Variants in COLGALT1 observed in about 807,000 individuals in gnomAD.
COLGALT1 encodes collagen beta(1-O)galactosyltransferase 1.
In COLGALT1, 43 loss-of-function variants were observed where a neutral mutation model predicts 60.8. The observed-to-expected ratio is 0.71, with a 90% CI of 0.55 to 0.91. The LOEUF (loss-of-function observed/expected upper bound fraction) is 0.91. COLGALT1 is among the 40% of genes least tolerant of loss of function. The probability of loss-of-function intolerance (pLI) is 0.00; values close to 1 mark genes in which losing one functional copy is unlikely to be tolerated. For missense variants in COLGALT1, 845 were observed against 880.0 expected (o/e 0.96, Z 0.50); for synonymous variants, 369 against 374.2 (o/e 0.99, Z 0.16).
intron 9 of COLGALT1, 64 bp downstream of exon 9, chr19:17,578,153 G>C (rs2076356615): frequency 1.4e-6 from 2 of 1,467,266 alleles, no homozygotes; most frequent in East Asian, 4.9e-5. Flanking sequence ...GATTTGGACG[G>C]GAAAGGGGTT....
At position 17,580,468 on chromosome 19, in the gene COLGALT1, G is replaced by T. The variant is rs996569613; in HGVS notation, c.1395-231G>T. 1.4e-5 allele frequency: 8 copies of T among 580,282 alleles called. No individual in the cohort carries two copies. The Admixed American group carries it at 2.4e-4, about 18-fold the overall frequency. The allele number at this position is 580,282 out of a possible 1,614,324, so 35.9% of individuals were successfully genotyped here. A position where few individuals can be genotyped will look rare whatever the true frequency, so the allele number is the denominator to read the frequency against. On this transcript the variant is annotated intron_variant, in intron 10 of 11. Transcript: ENST00000252599. ...CGTCTGCGTGATCCTGCTCTCCCCAGCTCCAGATCCTCCATGGCTCCCTCA... is the reference window on the plus strand; with the variant it reads ...CGTCTGCGTGATCCTGCTCTCCCCATCTCCAGATCCTCCATGGCTCCCTCA...
intron 1 of COLGALT1, chr19:17,556,829 C>T (rs963755164): frequency 6.6e-6 from 1 of 152,280 alleles, no homozygotes; most frequent in Admixed American, 6.5e-5. Flanking sequence ...AGGAGAATCG[C>T]TTGAGCCCAG....
At chr19:17,581,059 C>T in intron 11 of COLGALT1, 118 bp from the exon 12 acceptor site, 2 of 1,383,560 alleles carry the variant, frequency 1.4e-6, no homozygotes, top group Non-Finnish European at 2.0e-6. Context: ...CCATTTGTAT[C>T]CCCTGCACAC....
chr19:17,559,813 G>A (rs1355339537), intron 2 of COLGALT1, among the ~76,000 whole-genome samples: 2 of 151,618 alleles, frequency 1.3e-5, no homozygotes, highest in Non-Finnish European at 2.9e-5. Flanking sequence ...TTTGAGACAG[G>A]GTCTCACTCC....
rs1427749438 is a variant in COLGALT1, at chr19:17,562,903, G to A, written c.489+2438G>A. On this transcript the variant is annotated intron_variant, in intron 3 of 11. Transcript: ENST00000252599. ...ATGGAGCTCCTGAGGGGACCCTTTC[G>A]CTTGGTGCCTTATCAGACCATTTTA... Among the ~76,000 whole-genome samples the A allele has an allele frequency of 2.0e-5, 3 of 152,062 alleles. No individual in the cohort carries two copies. In the East Asian group the frequency reaches 5.8e-4, roughly 29 times the overall value.
chr19:17,571,885 C>G (rs2076314824), intron 5 of COLGALT1: 1 of 151,760 alleles, frequency 6.6e-6, no homozygotes. Flanking sequence ...TGCCCTGTTG[C>G]CTAAGCTGGA....
rs577032532 is a variant in COLGALT1, at chr19:17,575,276, C to G, written c.950-1919C>G. On this transcript the variant is annotated intron_variant, in intron 6 of 11. Coordinates refer to ENST00000252599, the MANE Select transcript of COLGALT1 (RefSeq NM_024656.4). ...GTTTGTTTTTTTTGAGACGGAGTCT[C>G]GCTCTGTCTCCCAGGCTGGAGTGCA... 1.4e-4 allele frequency among the ~76,000 whole-genome samples: 21 copies of G among 152,182 alleles called. No individual in the cohort carries two copies. In the South Asian group the frequency reaches 4.4e-3, roughly 32 times the overall value.
intron 6 of COLGALT1, among the ~76,000 whole-genome samples, chr19:17,574,296 A>T (rs1176654741): frequency 6.7e-6 from 1 of 149,536 alleles, no homozygotes; most frequent in African/African-American, 2.5e-5. Flanking sequence ...GTGGCTCAAG[A>T]TGGAATAGCA....
chr19:17,577,917 G>T, intron 8 of COLGALT1, 40 bp from the exon 9 acceptor site: 1 of 1,577,832 alleles, frequency 6.3e-7, no homozygotes, highest in Non-Finnish European at 8.6e-7. Context: ...ATGGCAGGCA[G>T]GGTGAACCTT....
At chr19:17,576,471 G>A (rs1416485417) in intron 6 of COLGALT1, among the ~76,000 whole-genome samples, 1 of 151,972 alleles carries the variant, frequency 6.6e-6, no homozygotes, top group African/African-American at 2.4e-5. Flanking sequence ...AGGTGGGGCT[G>A]GGGGGTAGAG....
chr19:17,576,916 CG>C (rs149524810), intron 6 of COLGALT1, among the ~76,000 whole-genome samples: 5,637 of 30,560 alleles, frequency 0.18, 411 homozygotes, highest in African/African-American at 0.38. Context: ...GCCTTGGGCG[CG>C]GTGAAGCTGG....
chr19:17,561,592 A>T (rs999557523), intron 3 of COLGALT1, among the ~76,000 whole-genome samples: 2 of 131,012 alleles, frequency 1.5e-5, no homozygotes, highest in Non-Finnish European at 3.1e-5. Context: ...AGATCACGCC[A>T]CTGCACTCCA....
At chr19:17,571,731 C>T (rs771149163) in intron 5 of COLGALT1, 3 of 152,004 alleles carry the variant, frequency 2.0e-5, no homozygotes, top group African/African-American at 4.8e-5. Flanking sequence ...AAAAAAGATA[C>T]ACACTCATCA....
chr19:17,561,459 C>T (rs1301553191), intron 3 of COLGALT1, among the ~76,000 whole-genome samples: 1 of 151,368 alleles, frequency 6.6e-6, no homozygotes, highest in Non-Finnish European at 1.5e-5. Flanking sequence ...AGGAAGGGGT[C>T]AGGGGCTGGG....
At chr19:17,573,088 T>C (rs1424449473) in intron 6 of COLGALT1, among the ~76,000 whole-genome samples, 1 of 151,838 alleles carries the variant, frequency 6.6e-6, no homozygotes, top group Non-Finnish European at 1.5e-5. Flanking sequence ...GACAGCAAGT[T>C]TTCACTAAAG....
At chr19:17,570,192 C>T (rs1482792813) in intron 5 of COLGALT1, among the ~76,000 whole-genome samples, 1 of 152,032 alleles carries the variant, frequency 6.6e-6, no homozygotes, top group Non-Finnish European at 1.5e-5. Flanking sequence ...CGCGCCTGGC[C>T]CCACTAATTA....
At chr19:17,580,570 CAG>C (rs1323215495) in intron 10 of COLGALT1, 127 bp from the exon 11 acceptor site, 3 of 848,200 alleles carry the variant, frequency 3.5e-6, no homozygotes, top group Non-Finnish European at 5.5e-6. Context: ...CATCCAGTCA[CAG>C]AGCTCTGCAA....
intron 6 of COLGALT1, among the ~76,000 whole-genome samples, chr19:17,576,633 TG>T (rs1461018429): frequency 1.4e-5 from 1 of 71,536 alleles, no homozygotes; most frequent in Admixed American, 1.8e-4. Flanking sequence ...GAAGCGGGGC[TG>T]GGGGTCGGAG....
At position 17,568,544 on chromosome 19, in the gene COLGALT1, C is replaced by T; in HGVS notation, c.660C>T (p.Ile220=). Residue 220 remains isoleucine, a synonymous_variant, in exon 5 of 12, where the codon ATC becomes ATT. Coordinates refer to ENST00000252599, the MANE Select transcript of COLGALT1 (RefSeq NM_024656.4). ...AGCGCACACCTGCCTACATCCCTAT[C>T]CGCAAGCGAGACCGCCGGGGCTGCT... ...YYKRTPAYIP[I]RKRDRRGCFA... 4 of 1,614,222 alleles carry T rather than the reference C, an allele frequency of 2.5e-6. No individual in the cohort carries two copies. Among genetic ancestry groups the T allele is most frequent in the Non-Finnish European group, 3.4e-6 (4 of 1,180,040 alleles).
Sources: gnomAD v4.1 joint callset for allele counts (sites outside exome capture counted in the v4.1 genomes callset) on GRCh38, gnomAD v4.1.1 for gene constraint, MANE v1.5 for transcripts, NCBI Gene and HGNC (gene_info 2026-07-23, HGNC 2026-07-21) for gene names.